SPAG17: variants seen among roughly 807,000 people sequenced by gnomAD.
SPAG17 encodes sperm associated antigen 17, also known as sperm-associated antigen 17.
Under a neutral mutation model 273.6 loss-of-function variants are expected in SPAG17, and 169 were observed. That is an observed-to-expected ratio of 0.62 (90% confidence interval 0.55 to 0.70). The LOEUF is 0.70. Among genes scored for constraint, SPAG17 ranks in the 30% least tolerant of loss-of-function variants. SPAG17 has a pLI of 0.00. For synonymous variants in SPAG17, 825 were observed against 873.2 expected (o/e 0.94, Z 0.97); for missense variants, 2,557 against 2,627.8 (o/e 0.97, Z 0.59).
chr1:118,058,968 T>C (rs1300549525), intron 18 of SPAG17, among the ~76,000 whole-genome samples: 1 of 152,132 alleles, frequency 6.6e-6, no homozygotes, highest in African/African-American at 2.4e-5. Context: ...GGGGAGTAGA[T>C]AAATCCATAA....
chr1:117,971,837 G>A, intron 45 of SPAG17, 26 bp downstream of exon 45: 1 of 1,596,164 alleles, frequency 6.3e-7, no homozygotes, highest in East Asian at 2.3e-5. Context: ...GGTAACCTGA[G>A]CAGACCTTTG....
chr1:118,132,985 A>T (rs1414864964), intron 3 of SPAG17, among the ~76,000 whole-genome samples: 1 of 151,944 alleles, frequency 6.6e-6, no homozygotes, highest in Non-Finnish European at 1.5e-5. Context: ...GTTGGCCAGG[A>T]TGGTCTCGAT....
chr1:118,106,658 TA>T (rs1656417271), intron 4 of SPAG17, among the ~76,000 whole-genome samples: 3 of 152,350 alleles, frequency 2.0e-5, no homozygotes, highest in African/African-American at 7.2e-5. Context: ...CAATTTTAAA[TA>T]AAATCTCAGG....
chr1:118,050,251 A>G (rs1468299222), intron 20 of SPAG17, among the ~76,000 whole-genome samples: 3 of 152,182 alleles, frequency 2.0e-5, no homozygotes, highest in Non-Finnish European at 4.4e-5. Context: ...TCAAAAGGTC[A>G]AACTGTGCAC....
chr1:118,112,460 C>T (rs1020683039), intron 4 of SPAG17, among the ~76,000 whole-genome samples: 1 of 151,472 alleles, frequency 6.6e-6, no homozygotes, highest in Non-Finnish European at 1.5e-5. Context: ...GCAAATGTTG[C>T]GATAAGGATG....
At chr1:117,987,908 T>C in intron 39 of SPAG17, 27 bp from the exon 40 acceptor site, 1 of 1,612,480 alleles carries the variant, frequency 6.2e-7, no homozygotes, top group Non-Finnish European at 8.5e-7. Flanking sequence ...GAAAGTATGG[T>C]GAAAAGGGGC....
At position 118,012,305 on chromosome 1, in the gene SPAG17, T is replaced by C; in HGVS notation, c.4355A>G (p.His1452Arg). 2 of 1,613,880 alleles carry C rather than the reference T, an allele frequency of 1.2e-6. No individual in the cohort carries two copies. The highest frequency in any genetic ancestry group is 2.2e-5 in the East Asian group (1 of 44,832). ...GGTTGTGATTCTGGTACCATCAGCA[T>C]GATCCACTATCCGAGTACCATCTTT... ...ERKDGTRIVD[H>R]ADGTRITTFY... Residue 1452 changes from histidine (H) to arginine (R), a missense_variant, in exon 30 of 49, where the codon CAT (histidine) becomes CGT (arginine). Transcript: ENST00000336338.
intron 8 of SPAG17, 137 bp from the exon 9 acceptor site, chr1:118,092,139 A>G: frequency 4.1e-6 from 3 of 724,842 alleles, no homozygotes; most frequent in Middle Eastern, 2.7e-4. Context: ...ATCTGCTAAT[A>G]TTAGAACCAA....
chr1:118,115,317 T>A lies in SPAG17; in HGVS notation c.440A>T (p.Glu147Val). 1 of 1,613,498 alleles carries A rather than the reference T, an allele frequency of 6.2e-7. No individual in the cohort carries two copies. Among genetic ancestry groups the A allele is most frequent in the South Asian group, 1.1e-5 (1 of 91,068 alleles). The change falls in exon 4 of 49, where the codon GAA becomes GTA. Residue 147 changes from glutamate to valine, a missense_variant. Physicochemically the swap from Glu to Val is moderately radical, Grantham distance 121. Coordinates refer to ENST00000336338, the MANE Select transcript of SPAG17 (RefSeq NM_206996.4). ...CACCAGATCGTACAGTACCTTCTTTTCATTTTCCCGTCGCTGTTGGTCCTT... is the reference window on the plus strand; with the variant it reads ...CACCAGATCGTACAGTACCTTCTTTACATTTTCCCGTCGCTGTTGGTCCTT... Reference protein sequence around the residue: ...KFKDQQRRENEKKVIEDKPKL... With the variant: ...KFKDQQRRENVKKVIEDKPKL...
intron 17 of SPAG17, among the ~76,000 whole-genome samples, chr1:118,070,833 G>T (rs568821280): frequency 2.0e-5 from 3 of 152,296 alleles, no homozygotes; most frequent in African/African-American, 7.2e-5. Context: ...GTATAGCACA[G>T]TTATTGCACA....
intron 10 of SPAG17, chr1:118,087,259 A>G (rs1313637387): frequency 3.2e-6 from 1 of 314,084 alleles, no homozygotes; most frequent in Admixed American, 4.9e-5. Context: ...AATGGTAACA[A>G]TAAGTTTTTG....
intron 43 of SPAG17, among the ~76,000 whole-genome samples, chr1:117,977,355 T>C (rs1408440541): frequency 6.6e-6 from 1 of 152,088 alleles, no homozygotes; most frequent in Non-Finnish European, 1.5e-5. Flanking sequence ...TATTCTTTTC[T>C]CTTCCCTACA....
In SPAG17 at chr1:118,053,995, G is replaced by T. The variant is rs1286256335; in HGVS notation, c.2814+7C>A. On this transcript the variant is annotated splice_region_variant and intron_variant, in intron 20 of 48. Coordinates refer to ENST00000336338, the MANE Select transcript of SPAG17 (RefSeq NM_206996.4). Reference sequence around the variant, plus strand: ...CTGTTTTTTAAACTTTATGTAAGCTGGATTACCTTGAGAGAGCCTTCTAAA... The same window carrying T: ...CTGTTTTTTAAACTTTATGTAAGCTTGATTACCTTGAGAGAGCCTTCTAAA... 1.3e-6 allele frequency: 2 copies of T among 1,596,136 alleles called. No homozygotes were observed. Among genetic ancestry groups the T allele is most frequent in the Middle Eastern group, 1.9e-4 (1 of 5,344 alleles).
chr1:118,115,553 T>C, intron 3 of SPAG17, 112 bp from the exon 4 acceptor site: 2 of 1,122,616 alleles, frequency 1.8e-6, no homozygotes, highest in South Asian at 1.8e-5. Flanking sequence ...ACTGGAAAGA[T>C]ACTTCATTGC....
chr1:118,056,640 T>C (rs1651705902), intron 18 of SPAG17, among the ~76,000 whole-genome samples: 1 of 152,212 alleles, frequency 6.6e-6, no homozygotes, highest in African/African-American at 2.4e-5. Context: ...TAAAAATTGG[T>C]TATTGTCAAA....
rs1398007596 is a variant in SPAG17 at position 118,008,074 on chromosome 1, A to T, written c.4557T>A (p.Thr1519=). The part of the protein sequence containing the change: ...SCCATFGDGT[T]IIAKPQGTYQ... ...ATGTTCCCTGTGGCTTTGCAATAAT[A>T]GTTGTTCCATCTCCAAAGGTGGCAC... Residue 1519 remains threonine, a synonymous_variant, in exon 31 of 49, where the codon ACT becomes ACA. Transcript: ENST00000336338. The T allele has an allele frequency of 1.2e-6, 2 of 1,614,010 alleles. No homozygotes were observed. Among genetic ancestry groups the T allele is most frequent in the South Asian group, 2.2e-5 (2 of 91,080 alleles).
At chr1:118,020,555 T>C (rs1391365486) in intron 28 of SPAG17, among the ~76,000 whole-genome samples, 2 of 151,968 alleles carry the variant, frequency 1.3e-5, no homozygotes, top group East Asian at 3.8e-4. Flanking sequence ...CCTTAAAATA[T>C]ATAAAGAAAA....
At chr1:117,987,794 G>C in intron 40 of SPAG17, 40 bp downstream of exon 40, 2 of 1,604,024 alleles carry the variant, frequency 1.2e-6, no homozygotes, top group Non-Finnish European at 1.7e-6. Context: ...ATTACTCTGG[G>C]CCCTTTCAGG....
intron 38 of SPAG17, among the ~76,000 whole-genome samples, chr1:117,990,603 C>T (rs1226483808): frequency 1.3e-5 from 2 of 152,126 alleles, no homozygotes; most frequent in Non-Finnish European, 2.9e-5. Context: ...CAAATGTCAA[C>T]ATTTTTCACT....
Sources: allele counts gnomAD v4.1 joint callset (sites outside exome capture counted in the v4.1 genomes callset), GRCh38; gene constraint gnomAD v4.1.1; transcripts MANE v1.5; gene names NCBI Gene and HGNC (gene_info 2026-07-23, HGNC 2026-07-21).